The following BCL2 variants were observed in gnomAD, a reference collection of about 807,000 sequenced individuals.
BCL2 encodes apoptosis regulator Bcl-2.
A neutral mutation model predicts 14.2 loss-of-function variants in BCL2; 1 was observed. The observed-to-expected ratio is 0.07, with a 90% CI of 0.02 to 0.33. The LOEUF is 0.33. Ranked by LOEUF, BCL2 falls within the 10% of genes least tolerant of loss-of-function variation. The pLI is 0.99. For missense variants in BCL2, 247 were observed against 305.9 expected (o/e 0.81, Z 1.44); for synonymous variants, 151 against 137.2 (o/e 1.10, Z -0.70).
At chr18:63,146,461 C>T (rs556307441) in intron 2 of BCL2, among the ~76,000 whole-genome samples, 11 of 152,310 alleles carry the variant, frequency 7.2e-5, no homozygotes, top group Middle Eastern at 6.8e-3. Context: ...TCTGACAGGA[C>T]GCCAGGCCTG....
chr18:63,273,725 C>A (rs555188221), intron 2 of BCL2, among the ~76,000 whole-genome samples: 138 of 152,224 alleles, frequency 9.1e-4, no homozygotes, highest in Middle Eastern at 3.4e-3. Context: ...TGTGGCTACA[C>A]CCCTGACCAC....
intron 2 of BCL2, among the ~76,000 whole-genome samples, chr18:63,303,274 G>A (rs1913020941): frequency 6.6e-6 from 1 of 152,134 alleles, no homozygotes; most frequent in Non-Finnish European, 1.5e-5. Context: ...TCTGAATCAG[G>A]TGTCTGGTCT....
chr18:63,126,862 C>G lies in BCL2; in HGVS notation c.*1763G>C, dbSNP rs577765262. 1 of 228,356 alleles carries G rather than the reference C, an allele frequency of 4.4e-6. No homozygotes were observed. Among genetic ancestry groups the G allele is most frequent in the East Asian group, 6.3e-5 (1 of 15,916 alleles). The allele number at this position is 228,356 out of a possible 1,614,324, so 14.1% of individuals were successfully genotyped here. A position where few individuals can be genotyped will look rare whatever the true frequency, so the allele number is the denominator to read the frequency against. ...ATCAACCACAGCATTAAACATTGAACAGAGTACATTCCAAAGTTAATACAG... is the reference window on the plus strand; with the variant it reads ...ATCAACCACAGCATTAAACATTGAAGAGAGTACATTCCAAAGTTAATACAG... On this transcript the variant is annotated 3_prime_UTR_variant, in exon 3 of 3. Coordinates refer to ENST00000333681, the MANE Select transcript of BCL2 (RefSeq NM_000633.3).
At chr18:63,289,959 C>T (rs940249003) in intron 2 of BCL2, among the ~76,000 whole-genome samples, 3 of 152,028 alleles carry the variant, frequency 2.0e-5, no homozygotes, top group Non-Finnish European at 2.9e-5. Flanking sequence ...AACTGGAGTG[C>T]GGAGAAACTG....
chr18:63,165,313 G>T (rs890232158), intron 2 of BCL2, among the ~76,000 whole-genome samples: 2 of 152,174 alleles, frequency 1.3e-5, no homozygotes, highest in Non-Finnish European at 2.9e-5. Context: ...ACCTCATTGG[G>T]TGTGACTCTG....
intron 2 of BCL2, among the ~76,000 whole-genome samples, chr18:63,191,038 C>A (rs1457306477): frequency 6.6e-6 from 1 of 152,146 alleles, no homozygotes; most frequent in African/African-American, 2.4e-5. Context: ...GATCTTATTC[C>A]TTTTTATGGC....
At chr18:63,226,757 C>T (rs1415162798) in intron 2 of BCL2, among the ~76,000 whole-genome samples, 1 of 151,668 alleles carries the variant, frequency 6.6e-6, no homozygotes, top group Admixed American at 6.6e-5. Context: ...CAAGTGTTAA[C>T]ATTGGTTACC....
At chr18:63,213,555 C>T (rs866280006) in intron 2 of BCL2, among the ~76,000 whole-genome samples, 2,382 of 150,238 alleles carry the variant, frequency 0.016, 68 homozygotes, top group African/African-American at 0.055. Context: ...TAAACACACA[C>T]ACACACACAC....
chr18:63,161,697 G>A (rs1914925525), intron 2 of BCL2: 2 of 152,182 alleles, frequency 1.3e-5, no homozygotes. Context: ...CCAAGTCCCA[G>A]CACAGGGGTT....
At chr18:63,255,300 A>G (rs1471708290) in intron 2 of BCL2, among the ~76,000 whole-genome samples, 2 of 152,190 alleles carry the variant, frequency 1.3e-5, no homozygotes, top group Non-Finnish European at 2.9e-5. Context: ...CCAAACCATT[A>G]CTTCTGATAA....
chr18:63,212,269 A>G (rs978393407), intron 2 of BCL2, among the ~76,000 whole-genome samples: 1 of 151,716 alleles, frequency 6.6e-6, no homozygotes, highest in Non-Finnish European at 1.5e-5. Context: ...CAGAGGTTGC[A>G]GTGAGCCAAG....
chr18:63,244,685 ACTT>A (rs1376957702), intron 2 of BCL2, among the ~76,000 whole-genome samples: 2 of 152,230 alleles, frequency 1.3e-5, no homozygotes, highest in African/African-American at 4.8e-5. Context: ...CTGGCGTGCT[ACTT>A]CAGCATTGAG....
intron 2 of BCL2, among the ~76,000 whole-genome samples, chr18:63,159,610 G>A (rs543160453): frequency 6.6e-6 from 1 of 152,346 alleles, no homozygotes; most frequent in Non-Finnish European, 1.5e-5. Context: ...CCATCTCAGT[G>A]AGTGAGTGGA....
intron 2 of BCL2, among the ~76,000 whole-genome samples, chr18:63,153,076 A>T (rs1442686230): frequency 6.6e-6 from 1 of 152,214 alleles, no homozygotes; most frequent in Non-Finnish European, 1.5e-5. Flanking sequence ...GAGAGGAAAG[A>T]GCACACACAT....
intron 2 of BCL2, among the ~76,000 whole-genome samples, chr18:63,231,404 AG>A (rs1239160823): frequency 2.6e-5 from 4 of 152,034 alleles, no homozygotes; most frequent in Non-Finnish European, 5.9e-5. Context: ...TTAGAAATGA[AG>A]GGGGAATATG....
At chr18:63,169,588 T>A (rs1915176164) in intron 2 of BCL2, among the ~76,000 whole-genome samples, 1 of 150,036 alleles carries the variant, frequency 6.7e-6, no homozygotes, top group Non-Finnish European at 1.5e-5. Context: ...AGTGGCATGA[T>A]CTTGGCTCAC....
At chr18:63,309,826 A>G (rs949515198) in intron 2 of BCL2, among the ~76,000 whole-genome samples, 2 of 152,074 alleles carry the variant, frequency 1.3e-5, no homozygotes, top group African/African-American at 4.8e-5. Context: ...TTGCATATGC[A>G]CATCCTCCTA....
chr18:63,209,404 G>A (rs1426136517), intron 2 of BCL2, among the ~76,000 whole-genome samples: 2 of 152,348 alleles, frequency 1.3e-5, no homozygotes, highest in East Asian at 1.9e-4. Context: ...GTGTTAGTCT[G>A]TGTACGGATA....
chr18:63,129,993 AG>A (rs1445154061), intron 2 of BCL2, among the ~76,000 whole-genome samples: 2 of 152,206 alleles, frequency 1.3e-5, no homozygotes, highest in Non-Finnish European at 2.9e-5. Context: ...AGAGACAAAA[AG>A]TGTCTCCCTT....
Sources: allele counts gnomAD v4.1 joint callset (sites outside exome capture counted in the v4.1 genomes callset), GRCh38; gene constraint gnomAD v4.1.1; transcripts MANE v1.5; gene names NCBI Gene and HGNC (gene_info 2026-07-23, HGNC 2026-07-21).